LPP: variants seen among roughly 807,000 people sequenced by gnomAD.
LPP encodes lipoma-preferred partner.
Under a neutral mutation model 60.4 loss-of-function variants are expected in LPP, and 38 were observed. The ratio of observed to expected loss-of-function variants is 0.63; its 90% CI spans 0.49 to 0.83. The LOEUF is 0.83. LPP is among the 40% of genes least tolerant of loss of function. The pLI is 0.00. For missense variants in LPP, 902 were observed against 783.6 expected, an observed-to-expected ratio of 1.15 and a Z score of -1.80; for synonymous variants, 328 against 290.8, an observed-to-expected ratio of 1.13 and a Z score of -1.30.
At chr3:188,554,131 G>C (rs187720065) in intron 6 of LPP, 4 of 152,158 alleles carry the variant, frequency 2.6e-5, no homozygotes, top group Admixed American at 2.0e-4. Context: ...TGTTTCTCAC[G>C]TGTGAATTTG....
At chr3:188,331,305 A>G (rs796316532) in intron 2 of LPP, among the ~76,000 whole-genome samples, 2 of 152,156 alleles carry the variant, frequency 1.3e-5, no homozygotes, top group South Asian at 2.1e-4. Flanking sequence ...TGCAATGTCC[A>G]TCTTTTAATG....
intron 6 of LPP, among the ~76,000 whole-genome samples, chr3:188,540,751 G>A (rs116255604): frequency 0.022 from 3,343 of 152,216 alleles, 123 homozygotes; most frequent in African/African-American, 0.077. Context: ...TGTTAGCTGC[G>A]TGCTTATTCT....
At chr3:188,869,154 G>A (rs1767427426) in intron 10 of LPP, among the ~76,000 whole-genome samples, 1 of 152,188 alleles carries the variant, frequency 6.6e-6, no homozygotes, top group Non-Finnish European at 1.5e-5. Flanking sequence ...TTAGTAAAGG[G>A]TTCTCTGTGT....
chr3:188,407,788 G>GTTTTTTTTTTTTTTTTTTTTT (rs869082030), intron 4 of LPP, among the ~76,000 whole-genome samples: 5 of 107,596 alleles, frequency 4.6e-5, no homozygotes, highest in African/African-American at 1.6e-4. Flanking sequence ...TTGTTTGTTT[G>GTTTTTTTTTTTTTTTTTTTTT]TTTTTTTTTT....
chr3:188,663,559 G>T (rs1016909788), intron 7 of LPP, among the ~76,000 whole-genome samples: 1 of 151,936 alleles, frequency 6.6e-6, no homozygotes, highest in Admixed American at 6.6e-5. Context: ...TATTAAATTC[G>T]GTCTGTATAT....
At chr3:188,250,086 C>G (rs1222848673) in intron 2 of LPP, among the ~76,000 whole-genome samples, 1 of 152,106 alleles carries the variant, frequency 6.6e-6, no homozygotes, top group Non-Finnish European at 1.5e-5. Flanking sequence ...TGTACTTCTC[C>G]TTTGTCAGGT....
chr3:188,630,366 G>T (rs1448155512), intron 7 of LPP, among the ~76,000 whole-genome samples: 1 of 152,150 alleles, frequency 6.6e-6, no homozygotes, highest in African/African-American at 2.4e-5. Flanking sequence ...ATGAAAAAAT[G>T]CTCAACATCA....
chr3:188,543,918 T>A (rs1825868594), intron 6 of LPP, among the ~76,000 whole-genome samples: 1 of 152,144 alleles, frequency 6.6e-6, no homozygotes, highest in African/African-American at 2.4e-5. Context: ...CCACAGGGAT[T>A]TAGTGCAAAT....
chr3:188,233,826 T>G (rs1720943549), intron 2 of LPP, among the ~76,000 whole-genome samples: 1 of 152,134 alleles, frequency 6.6e-6, no homozygotes, highest in African/African-American at 2.4e-5. Context: ...CTCTGGTTAC[T>G]CTTTTAATCT....
chr3:188,346,608 C>T (rs1428265591), intron 3 of LPP, among the ~76,000 whole-genome samples: 3 of 152,056 alleles, frequency 2.0e-5, no homozygotes, highest in Non-Finnish European at 2.9e-5. Flanking sequence ...TGCGTGCACA[C>T]GTGCATACAC....
At chr3:188,740,801 A>G (rs1560140151) in intron 8 of LPP, among the ~76,000 whole-genome samples, 1 of 152,052 alleles carries the variant, frequency 6.6e-6, no homozygotes, top group East Asian at 1.9e-4. Flanking sequence ...TTGCAAAATG[A>G]TTTTCCACCA....
chr3:188,193,715 T>C (rs145033396), intron 1 of LPP, among the ~76,000 whole-genome samples: 1 of 152,092 alleles, frequency 6.6e-6, no homozygotes, highest in Non-Finnish European at 1.5e-5. Context: ...TATGGGAAAA[T>C]GTGTGGTTGA....
intron 2 of LPP, among the ~76,000 whole-genome samples, chr3:188,306,980 C>G (rs1243068290): frequency 6.6e-6 from 1 of 152,186 alleles, no homozygotes; most frequent in East Asian, 1.9e-4. Context: ...GTCTAAGGAC[C>G]AGATTTGGCC....
chr3:188,507,309 T>C (rs1813816635), intron 5 of LPP, among the ~76,000 whole-genome samples: 1 of 151,938 alleles, frequency 6.6e-6, no homozygotes, highest in African/African-American at 2.4e-5. Flanking sequence ...CTCAGGGTGG[T>C]GGGGAGAGGA....
intron 3 of LPP, among the ~76,000 whole-genome samples, chr3:188,367,587 C>G (rs1424818211): frequency 6.6e-6 from 1 of 152,142 alleles, no homozygotes; most frequent in Non-Finnish European, 1.5e-5. Context: ...ACTTAACATT[C>G]AGGAGTAAGG....
At chr3:188,583,108 G>A (rs760285062) in intron 6 of LPP, among the ~76,000 whole-genome samples, 2 of 152,152 alleles carry the variant, frequency 1.3e-5, no homozygotes, top group Non-Finnish European at 2.9e-5. Flanking sequence ...AGGAAAACAG[G>A]CTCTGAAGTC....
At chr3:188,621,672 T>G (rs186499510) in intron 7 of LPP, among the ~76,000 whole-genome samples, 1 of 152,272 alleles carries the variant, frequency 6.6e-6, no homozygotes, top group Non-Finnish European at 1.5e-5. Flanking sequence ...TTATTTTATT[T>G]TATTTTGAGA....
chr3:188,591,873 G>A (rs1163011899), intron 6 of LPP, among the ~76,000 whole-genome samples: 1 of 152,142 alleles, frequency 6.6e-6, no homozygotes, highest in Non-Finnish European at 1.5e-5. Context: ...CAATATCAGA[G>A]GGTTTAACTG....
At chr3:188,678,291 G>A (rs1271502637) in intron 7 of LPP, among the ~76,000 whole-genome samples, 2 of 152,188 alleles carry the variant, frequency 1.3e-5, no homozygotes, top group Non-Finnish European at 2.9e-5. Flanking sequence ...GTCTTCTTCT[G>A]TTGCGGGACA....
Sources: allele counts gnomAD v4.1 joint callset (sites outside exome capture counted in the v4.1 genomes callset), GRCh38; gene constraint gnomAD v4.1.1; transcripts MANE v1.5; gene names NCBI Gene and HGNC (gene_info 2026-07-23, HGNC 2026-07-21).